ST3GAL3: variants seen among roughly 807,000 people sequenced by gnomAD.
ST3GAL3 encodes the protein CMP-N-acetylneuraminate-beta-1,4-galactoside alpha-2,3-sialyltransferase.
In ST3GAL3, 21 loss-of-function variants were observed where a neutral mutation model predicts 50.1. That is an observed-to-expected ratio of 0.42 (90% CI 0.30 to 0.60). The LOEUF (loss-of-function observed/expected upper bound fraction) is 0.60, where lower values mean the gene tolerates loss of function less well. Among genes scored for constraint, ST3GAL3 ranks in the 20% least tolerant of loss-of-function variants. ST3GAL3 has a pLI of 0.19. For missense variants in ST3GAL3, 353 were observed against 489.4 expected (o/e 0.72, Z 2.63); for synonymous variants, 183 against 190.0 (o/e 0.96, Z 0.30).
At chr1:43,873,772 C>T (rs890125020) in intron 5 of ST3GAL3, among the ~76,000 whole-genome samples, 7 of 151,894 alleles carry the variant, frequency 4.6e-5, no homozygotes, top group African/African-American at 1.7e-4. Context: ...GCCTGGACGA[C>T]AGAGTAAGAT....
intron 5 of ST3GAL3, among the ~76,000 whole-genome samples, chr1:43,853,052 A>G (rs1022827272): frequency 6.6e-6 from 1 of 152,232 alleles, no homozygotes. Context: ...ATTGACACAT[A>G]ATTGGCATAC....
chr1:43,741,298 A>G (rs1313621894), intron 2 of ST3GAL3, among the ~76,000 whole-genome samples: 1 of 152,132 alleles, frequency 6.6e-6, no homozygotes, highest in East Asian at 1.9e-4. Context: ...ACGCCACTGT[A>G]CTCCATCCAG....
intron 2 of ST3GAL3, among the ~76,000 whole-genome samples, chr1:43,764,648 C>A (rs1014600598): frequency 6.6e-6 from 1 of 152,246 alleles, no homozygotes; most frequent in African/African-American, 2.4e-5. Context: ...CCTCAGCCCA[C>A]CCCATGGGGA....
At chr1:43,857,109 C>A (rs190656819) in intron 5 of ST3GAL3, among the ~76,000 whole-genome samples, 1 of 152,138 alleles carries the variant, frequency 6.6e-6, no homozygotes, top group Non-Finnish European at 1.5e-5. Context: ...GTTTCTCCTA[C>A]CCCAGGACAG....
chr1:43,833,757 G>C (rs2063862915), intron 4 of ST3GAL3, among the ~76,000 whole-genome samples: 1 of 152,194 alleles, frequency 6.6e-6, no homozygotes, highest in Non-Finnish European at 1.5e-5. Context: ...AGCAAGTGAA[G>C]ATGAAGGTCT....
intron 3 of ST3GAL3, among the ~76,000 whole-genome samples, chr1:43,813,885 A>ACACACACACG (rs765245576): frequency 0.013 from 532 of 39,606 alleles, 3 homozygotes; most frequent in African/African-American, 0.026. Flanking sequence ...ACACACACAC[A>ACACACACACG]CACACACACG....
Position 43,907,558 on chromosome 1 carries a change from A to G in ST3GAL3, c.744+7831A>G, listed in dbSNP as rs552682423. ...AAATTGCATGTCCAGCTGCACAGGG[A>G]AAATAAAGGTTGTCACCAGCCAAGA... On this transcript the variant is annotated intron_variant, in intron 9 of 11. Coordinates refer to ENST00000347631, the MANE Select transcript of ST3GAL3 (RefSeq NM_006279.5). 3.9e-5 allele frequency among the ~76,000 whole-genome samples: 6 copies of G among 152,260 alleles called. No homozygotes were observed. In the East Asian group the frequency reaches 1.2e-3, roughly 29 times the overall value.
At chr1:43,766,199 T>G (rs1692885623) in intron 2 of ST3GAL3, among the ~76,000 whole-genome samples, 1 of 152,116 alleles carries the variant, frequency 6.6e-6, no homozygotes, top group African/African-American at 2.4e-5. Context: ...AAGGGAGAGA[T>G]ATCAATGACT....
At chr1:43,804,123 GA>G (rs370103493) in intron 3 of ST3GAL3, among the ~76,000 whole-genome samples, 371 of 152,302 alleles carry the variant, frequency 2.4e-3, no homozygotes, top group African/African-American at 8.0e-3. Flanking sequence ...CTGCTGGTGA[GA>G]CCCAGACTTT....
chr1:43,880,100 A>G (rs2074852024), intron 5 of ST3GAL3, among the ~76,000 whole-genome samples: 1 of 152,144 alleles, frequency 6.6e-6, no homozygotes, highest in African/African-American at 2.4e-5. Context: ...TGTCACCCCA[A>G]GCTGCTCCTG....
At chr1:43,747,025 C>T (rs1337379017) in intron 2 of ST3GAL3, among the ~76,000 whole-genome samples, 1 of 151,918 alleles carries the variant, frequency 6.6e-6, no homozygotes, top group Non-Finnish European at 1.5e-5. Context: ...CTCAGCCTCC[C>T]GAAGTGCGAG....
intron 5 of ST3GAL3, among the ~76,000 whole-genome samples, chr1:43,858,799 T>C (rs2069152023): frequency 6.6e-6 from 1 of 152,208 alleles, no homozygotes; most frequent in African/African-American, 2.4e-5. Context: ...ACTCTCTGAC[T>C]GGTCTCCCCA....
intron 3 of ST3GAL3, among the ~76,000 whole-genome samples, chr1:43,814,067 T>G (rs780435286): frequency 3.7e-4 from 57 of 152,350 alleles, no homozygotes; most frequent in Admixed American, 9.2e-4. Context: ...TTCTCCTGGT[T>G]TATTTTCTGG....
intron 2 of ST3GAL3, among the ~76,000 whole-genome samples, chr1:43,789,860 C>A (rs1367202301): frequency 1.4e-5 from 2 of 141,428 alleles, no homozygotes; most frequent in African/African-American, 2.6e-5. Flanking sequence ...GGGGACAGGG[C>A]AAGACTCTGG....
chr1:43,885,582 C>T (rs1347354986), intron 5 of ST3GAL3, among the ~76,000 whole-genome samples: 1 of 152,184 alleles, frequency 6.6e-6, no homozygotes, highest in Non-Finnish European at 1.5e-5. Flanking sequence ...CCTTAAGGGC[C>T]ACCTCCACCC....
At chr1:43,802,406 A>T (rs2059419186) in intron 3 of ST3GAL3, among the ~76,000 whole-genome samples, 1 of 152,258 alleles carries the variant, frequency 6.6e-6, no homozygotes, top group Admixed American at 6.5e-5. Flanking sequence ...ATGGATTTCA[A>T]ATCTAATCTC....
chr1:43,809,224 A>G (rs1005579589), intron 3 of ST3GAL3, among the ~76,000 whole-genome samples: 2 of 152,218 alleles, frequency 1.3e-5, no homozygotes, highest in African/African-American at 4.8e-5. Flanking sequence ...CCTATGTTCA[A>G]TAAGGCAGGG....
At chr1:43,754,992 C>G (rs1687533948) in intron 2 of ST3GAL3, among the ~76,000 whole-genome samples, 1 of 151,694 alleles carries the variant, frequency 6.6e-6, no homozygotes, top group South Asian at 2.1e-4. Context: ...CTAAACAAAA[C>G]CTTAAAGGCA....
rs1459071938 is a variant in ST3GAL3, at chr1:43,899,358, G to A, written c.557+95G>A. The A allele has an allele frequency of 6.2e-7, 1 of 1,606,406 alleles. No homozygotes were observed. The highest frequency in any genetic ancestry group is 1.1e-5 in the South Asian group (1 of 90,298). On this transcript the variant is annotated intron_variant, in intron 8 of 11. Transcript: ENST00000347631. The surrounding 1 kb of genome is among the most constrained non-coding windows in gnomAD (Gnocchi z 5.4). ...ACTGTCTGTCTGGCTAGTTGGGCTG[G>A]AGGTCAACGGAAGCCTCAAGAACTC... is the stretch of plus-strand genomic sequence containing the variant.
Sources: gnomAD v4.1 joint callset for allele counts (sites outside exome capture counted in the v4.1 genomes callset) on GRCh38, gnomAD v4.1.1 for gene constraint, Gnocchi (gnomAD v3.1) non-coding constraint, MANE v1.5 for transcripts, NCBI Gene and HGNC (gene_info 2026-07-23, HGNC 2026-07-21) for gene names.